The following MOSPD1 variants were observed in gnomAD, a reference collection of about 807,000 sequenced individuals.
MOSPD1 encodes motile sperm domain-containing protein 1.
MOSPD1 carries 5 observed loss-of-function variants against 16.7 expected under a neutral mutation model. The observed-to-expected ratio is 0.30, with a 90% CI of 0.16 to 0.63. MOSPD1 has a LOEUF of 0.63. Among genes scored for constraint, MOSPD1 ranks in the 30% least tolerant of loss-of-function variants. The probability of loss-of-function intolerance (pLI) is 0.82; values close to 1 mark genes in which losing one functional copy is unlikely to be tolerated. For missense variants in MOSPD1, 104 were observed against 153.6 expected (o/e 0.68, Z 1.71); for synonymous variants, 67 against 59.2 (o/e 1.13, Z -0.61).
At chrX:134,909,957 GT>G (rs2148400410) in intron 1 of MOSPD1, among the ~76,000 whole-genome samples, 1 of 111,714 alleles carries the variant, frequency 9.0e-6, no homozygotes, top group Non-Finnish European at 1.9e-5. Flanking sequence ...ATTTTCAAAT[GT>G]GTTATTTACA....
intron 5 of MOSPD1, among the ~76,000 whole-genome samples, chrX:134,889,709 A>G (rs1212780612): frequency 1.8e-5 from 2 of 111,555 alleles, no homozygotes; most frequent in African/African-American, 6.5e-5. Context: ...AAGTACAGAG[A>G]AGGAGGATAA....
chrX:134,912,665 C>T (rs1161464010), intron 1 of MOSPD1, among the ~76,000 whole-genome samples: 26 of 110,172 alleles, frequency 2.4e-4, no homozygotes, highest in African/African-American at 8.5e-4. Context: ...ACTGGCCAGG[C>T]GCAGTGGCTC....
intron 4 of MOSPD1, among the ~76,000 whole-genome samples, chrX:134,896,507 A>C (rs920077285): frequency 8.9e-6 from 1 of 112,058 alleles, no homozygotes; most frequent in African/African-American, 3.2e-5. Flanking sequence ...CTAGCTTCAT[A>C]AAGTATGGTG....
chrX:134,909,742 G>T lies in MOSPD1; in HGVS notation c.-102+5440C>A, dbSNP rs765393564. Among the ~76,000 whole-genome samples the T allele has an allele frequency of 1.0e-3, 113 of 111,408 alleles. 1 individual carries two copies. The highest frequency in any genetic ancestry group is 1.8e-3 in the Non-Finnish European group (98 of 53,127). The stretch of plus-strand genomic sequence containing the variant: ...TCTAATGTTTACTTTCTACTTTAAT[G>T]TTCATTGCTTAATATTTGACACTTT... On this transcript the variant is annotated intron_variant, in intron 1 of 5. Coordinates refer to ENST00000370783, the MANE Select transcript of MOSPD1 (RefSeq NM_019556.3).
chrX:134,907,522 T>C (rs762488971), intron 1 of MOSPD1, among the ~76,000 whole-genome samples: 5 of 112,287 alleles, frequency 4.5e-5, no homozygotes, highest in Non-Finnish European at 9.4e-5. Flanking sequence ...GCTGCATTCT[T>C]CCTCTCTGGA....
chrX:134,909,991 G>T (rs1489236426), intron 1 of MOSPD1, among the ~76,000 whole-genome samples: 2 of 111,572 alleles, frequency 1.8e-5, no homozygotes, highest in Non-Finnish European at 3.8e-5. Flanking sequence ...TTAATGTGTT[G>T]TTTCCATGTT....
At chrX:134,909,226 C>T (rs2082958534) in intron 1 of MOSPD1, among the ~76,000 whole-genome samples, 1 of 109,595 alleles carries the variant, frequency 9.1e-6, no homozygotes, top group Admixed American at 9.7e-5. Context: ...AGCCGAGATC[C>T]GCCACTGCAC....
Position 134,902,800 on chromosome X carries a change from AG to A in MOSPD1, c.-101-3267del, listed in dbSNP as rs201657966. 7.2e-3 allele frequency among the ~76,000 whole-genome samples: 780 copies of A among 108,042 alleles called. 15 individuals carry two copies. The highest frequency in any genetic ancestry group is 0.025 in the African/African-American group (747 of 29,480). The allele number at this position is 108,042 out of a possible 115,157, so 93.8% of individuals were successfully genotyped here. A position where few individuals can be genotyped will look rare whatever the true frequency, so the allele number is the denominator to read the frequency against. ...CAAACTGAGATTTTGTCTCAAAAAA[AG>A]AAGATAAAATAAAACAGAACTAAGA... On this transcript the variant is annotated intron_variant, in intron 1 of 5. Transcript: ENST00000370783.
At chrX:134,902,354 C>T (rs941130573) in intron 1 of MOSPD1, among the ~76,000 whole-genome samples, 1 of 108,302 alleles carries the variant, frequency 9.2e-6, no homozygotes, top group Non-Finnish European at 1.9e-5. Flanking sequence ...TTGCAGTGAG[C>T]CGAGATCGCT....
At chrX:134,895,346 G>A (rs867619352) in intron 4 of MOSPD1, among the ~76,000 whole-genome samples, 1 of 93,512 alleles carries the variant, frequency 1.1e-5, no homozygotes, top group African/African-American at 4.2e-5. Flanking sequence ...AATAAAATAA[G>A]ACAATACATA....
chrX:134,896,590 C>T (rs1023460857), intron 4 of MOSPD1, among the ~76,000 whole-genome samples: 4 of 111,621 alleles, frequency 3.6e-5, no homozygotes, highest in East Asian at 2.8e-4. Flanking sequence ...AACATCTACC[C>T]GCTCCTTACA....
At chrX:134,898,850 CAAT>C (rs1323596808) in intron 3 of MOSPD1, among the ~76,000 whole-genome samples, 3 of 111,423 alleles carry the variant, frequency 2.7e-5, no homozygotes, top group African/African-American at 6.5e-5. Flanking sequence ...AAAACCACAA[CAAT>C]GAGAAAATGT....
chrX:134,895,155 C>T (rs966616859), intron 4 of MOSPD1, among the ~76,000 whole-genome samples: 2 of 109,825 alleles, frequency 1.8e-5, no homozygotes, highest in South Asian at 3.9e-4. Context: ...CTAGGTAAGA[C>T]GAGCCTGGGC....
At chrX:134,904,706 A>G (rs6638298) in intron 1 of MOSPD1, among the ~76,000 whole-genome samples, 14,846 of 109,887 alleles carry the variant, frequency 0.14, 792 homozygotes, top group East Asian at 0.26. Flanking sequence ...TACTAAACAT[A>G]CTAAAATTAG....
At chrX:134,891,374 C>A (rs2082862109) in intron 5 of MOSPD1, 105 bp downstream of exon 5, 1 of 791,865 alleles carries the variant, frequency 1.3e-6, no homozygotes, top group Admixed American at 3.3e-5. Context: ...TGAAGCATTT[C>A]TTTACCTGTT....
intron 1 of MOSPD1, among the ~76,000 whole-genome samples, chrX:134,914,471 A>G (rs1441547938): frequency 2.7e-5 from 3 of 111,187 alleles, no homozygotes; most frequent in African/African-American, 9.8e-5. Context: ...GCTCCATGTG[A>G]AACCGGTCAT....
chrX:134,899,240 G>T (rs1315491008), intron 2 of MOSPD1, 40 bp downstream of exon 2: 1 of 1,177,888 alleles, frequency 8.5e-7, no homozygotes, highest in South Asian at 1.9e-5. Context: ...AATTAGTAGG[G>T]ACCAGTTAAA....
At chrX:134,900,704 A>G (rs1327881003) in intron 1 of MOSPD1, among the ~76,000 whole-genome samples, 2 of 109,920 alleles carry the variant, frequency 1.8e-5, no homozygotes, top group Non-Finnish European at 3.8e-5. Flanking sequence ...ATTATAATCA[A>G]TATTCTTATT....
At chrX:134,892,649 T>C (rs1392497039) in intron 4 of MOSPD1, among the ~76,000 whole-genome samples, 1 of 112,445 alleles carries the variant, frequency 8.9e-6, no homozygotes, top group Non-Finnish European at 1.9e-5. Context: ...ATCCTAGCAC[T>C]TTGGGAGGCC....
Sources: allele counts gnomAD v4.1 joint callset (sites outside exome capture counted in the v4.1 genomes callset), GRCh38; gene constraint gnomAD v4.1.1; transcripts MANE v1.5; gene names NCBI Gene and HGNC (gene_info 2026-07-23, HGNC 2026-07-21).